The following DAAM1 variants were observed in gnomAD, a reference collection of about 807,000 sequenced individuals.
DAAM1 encodes the protein dishevelled associated activator of morphogenesis 1, also known as disheveled-associated activator of morphogenesis 1.
In DAAM1, 52 loss-of-function variants were observed where a neutral mutation model predicts 130.0. The ratio of observed to expected loss-of-function variants is 0.40; its 90% CI spans 0.32 to 0.50. The LOEUF is 0.50. Ranked by LOEUF, DAAM1 falls within the 20% of genes least tolerant of loss-of-function variation. The pLI is 0.61. For synonymous variants in DAAM1, 452 were observed against 444.5 expected (o/e 1.02, Z -0.21); for missense variants, 1,134 against 1,303.8 (o/e 0.87, Z 2.01).
intron 1 of DAAM1, among the ~76,000 whole-genome samples, chr14:59,240,247 G>A (rs1404366028): frequency 2.0e-5 from 3 of 152,054 alleles, no homozygotes; most frequent in Admixed American, 6.6e-5. Flanking sequence ...TTCATCTCTC[G>A]AGATCTTTCT....
chr14:59,328,705 T>C (rs1048107908), intron 12 of DAAM1, among the ~76,000 whole-genome samples: 16 of 152,342 alleles, frequency 1.1e-4, no homozygotes, highest in African/African-American at 3.8e-4. Flanking sequence ...ATCATTAGCA[T>C]AGTGTCTGGC....
chr14:59,348,048 C>T (rs1476851539), intron 17 of DAAM1, among the ~76,000 whole-genome samples: 1 of 152,184 alleles, frequency 6.6e-6, no homozygotes, highest in Non-Finnish European at 1.5e-5. Flanking sequence ...GACCCACAAC[C>T]ATGAAAATGA....
intron 1 of DAAM1, among the ~76,000 whole-genome samples, chr14:59,209,445 C>T (rs1365247097): frequency 4.6e-5 from 7 of 152,068 alleles, no homozygotes; most frequent in East Asian, 1.9e-4. Context: ...AGATGGTCCC[C>T]GACTTACGAT....
intron 16 of DAAM1, among the ~76,000 whole-genome samples, chr14:59,345,463 T>C (rs1437313709): frequency 2.6e-5 from 4 of 152,318 alleles, no homozygotes; most frequent in East Asian, 1.9e-4. Flanking sequence ...TAGAAGAGAA[T>C]GGTATGAGTA....
chr14:59,324,390 C>G lies in DAAM1; in HGVS notation c.925C>G (p.Leu309Val), dbSNP rs1885130447. ...DFRLHLRYEF[L>V]MLGIQPVIDK... ...TAGACTTCATCTTCGCTATGAATTT[C>G]TGATGTTAGGAATTCAACCTGTAAT... Residue 309 changes from leucine (L) to valine (V), a missense_variant, in exon 8 of 25, where the codon CTG becomes GTG. Leu to Val is a conservative substitution (Grantham distance 32, BLOSUM62 1). Around this residue, in one of 3 missense-constraint regions of DAAM1, gnomAD observed 391 missense variants for 521.6 expected, o/e 0.75. Transcript: ENST00000360909. 6.3e-7 allele frequency: 1 copy of G among 1,595,246 alleles called. No individual in the cohort carries two copies. The highest frequency in any genetic ancestry group is 1.3e-5 in the African/African-American group (1 of 74,450).
At chr14:59,359,147 T>C (rs1228100957) in intron 20 of DAAM1, 1 of 286,132 alleles carries the variant, frequency 3.5e-6, no homozygotes, top group Non-Finnish European at 6.6e-6. Context: ...ATCCTCTTTT[T>C]AGAAATTGTG....
intron 2 of DAAM1, among the ~76,000 whole-genome samples, chr14:59,283,387 T>C (rs193010566): frequency 3.2e-4 from 49 of 152,334 alleles, no homozygotes; most frequent in African/African-American, 1.2e-3. Context: ...GCCAAAATTC[T>C]AACATTTTAA....
chr14:59,352,402 C>A, intron 17 of DAAM1, 124 bp from the exon 18 acceptor site: 1 of 657,724 alleles, frequency 1.5e-6, no homozygotes, highest in South Asian at 2.4e-5. Flanking sequence ...AACCTGTGAG[C>A]AGAGCTTATA....
chr14:59,269,559 T>A (rs574555072), intron 2 of DAAM1, among the ~76,000 whole-genome samples: 1 of 152,310 alleles, frequency 6.6e-6, no homozygotes, highest in African/African-American at 2.4e-5. Flanking sequence ...GCAGCTTACG[T>A]GAGTAAAATG....
At chr14:59,366,775 G>A (rs528446491) in intron 23 of DAAM1, among the ~76,000 whole-genome samples, 5 of 152,264 alleles carry the variant, frequency 3.3e-5, no homozygotes, top group Admixed American at 2.6e-4. Flanking sequence ...TCAGCCGGGT[G>A]CAGCGGCACA....
At chr14:59,346,414 C>T (rs901522874) in intron 16 of DAAM1, among the ~76,000 whole-genome samples, 1 of 152,114 alleles carries the variant, frequency 6.6e-6, no homozygotes, top group African/African-American at 2.4e-5. Flanking sequence ...ACTAAAAGAA[C>T]AAATCAAGTC....
chr14:59,332,105 A>G (rs1234851834), intron 15 of DAAM1, among the ~76,000 whole-genome samples, 185 bp downstream of exon 15: 1 of 152,206 alleles, frequency 6.6e-6, no homozygotes, highest in Non-Finnish European at 1.5e-5. Flanking sequence ...TCGAAGATAT[A>G]TAAGCTCCTT....
intron 12 of DAAM1, among the ~76,000 whole-genome samples, chr14:59,328,721 C>G (rs1885308929): frequency 6.6e-6 from 1 of 152,176 alleles, no homozygotes; most frequent in African/African-American, 2.4e-5. Context: ...CTGGCACATA[C>G]TAGTTGCACA....
intron 1 of DAAM1, among the ~76,000 whole-genome samples, chr14:59,200,613 C>G (rs1888068520): frequency 6.6e-6 from 1 of 152,138 alleles, no homozygotes; most frequent in Non-Finnish European, 1.5e-5. Flanking sequence ...AACCCAAGTT[C>G]CTTTCTTGAG....
chr14:59,326,163 C>A, intron 10 of DAAM1, 86 bp downstream of exon 10: 1 of 1,239,832 alleles, frequency 8.1e-7, no homozygotes, highest in Non-Finnish European at 1.2e-6. Flanking sequence ...GTGCTGATTA[C>A]ATTGGGTGCA....
intron 1 of DAAM1, among the ~76,000 whole-genome samples, chr14:59,192,701 A>G (rs1201834616): frequency 6.6e-6 from 1 of 152,200 alleles, no homozygotes; most frequent in Non-Finnish European, 1.5e-5. Context: ...AATAGAGGTA[A>G]TATTCTAAGT....
intron 3 of DAAM1, among the ~76,000 whole-genome samples, chr14:59,304,644 T>C (rs1387265782): frequency 6.6e-6 from 1 of 152,250 alleles, no homozygotes; most frequent in Non-Finnish European, 1.5e-5. Flanking sequence ...CTATGTCCCA[T>C]ATTGAGATGT....
chr14:59,315,827 T>A (rs562863216), intron 4 of DAAM1, among the ~76,000 whole-genome samples: 2 of 152,202 alleles, frequency 1.3e-5, no homozygotes, highest in African/African-American at 4.8e-5. Context: ...TTTACTCATA[T>A]AATAGATCAG....
At position 59,236,328 on chromosome 14, in the gene DAAM1, C is replaced by G. The variant is rs1238014059; in HGVS notation, c.-37-27113C>G. Among the ~76,000 whole-genome samples the G allele has an allele frequency of 3.3e-5, 5 of 151,996 alleles. No homozygotes were observed. The East Asian group carries it at 9.7e-4, about 29-fold the overall frequency. On this transcript the variant is annotated intron_variant, in intron 1 of 24. Transcript: ENST00000360909. ...GGGAAATCATTAGAATTATAATGCT[C>G]TCTGTTACTCATCACACATGGTCTG... is the stretch of plus-strand genomic sequence containing the variant.
Sources: allele counts gnomAD v4.1 joint callset (sites outside exome capture counted in the v4.1 genomes callset), GRCh38; gene constraint gnomAD v4.1.1; regional missense constraint gnomAD v4.1.1; transcripts MANE v1.5; gene names NCBI Gene and HGNC (gene_info 2026-07-23, HGNC 2026-07-21).